Variants in TMEM230 observed in about 807,000 individuals in gnomAD.
The protein encoded by TMEM230 is UPF0414 transmembrane protein C20orf30.
TMEM230 carries 10 observed loss-of-function variants against 15.8 expected under a neutral mutation model. That is an observed-to-expected ratio of 0.63 (90% CI 0.39 to 1.07). The LOEUF (loss-of-function observed/expected upper bound fraction) is 1.07, where lower values mean the gene tolerates loss of function less well. TMEM230 is among the 50% of genes least tolerant of loss of function. TMEM230 has a pLI of 0.01. For synonymous variants in TMEM230, 67 were observed against 76.9 expected, an observed-to-expected ratio of 0.87 and a Z score of 0.68; for missense variants, 165 against 193.3, an observed-to-expected ratio of 0.85 and a Z score of 0.87.
At chr20:5,086,496 G>T (rs1451182527) in intron 3 of TMEM230, among the ~76,000 whole-genome samples, 1 of 133,138 alleles carries the variant, frequency 7.5e-6, no homozygotes, top group East Asian at 2.2e-4. Context: ...ACGAGATCAC[G>T]CCACTGCACT....
At chr20:5,082,689 T>C (rs1445386960) in intron 3 of TMEM230, among the ~76,000 whole-genome samples, 2 of 151,878 alleles carry the variant, frequency 1.3e-5, no homozygotes, top group Admixed American at 6.6e-5. Flanking sequence ...AGTGATCCGC[T>C]CACCTTGGCC....
chr20:5,075,508 T>C (rs2122564312), intron 3 of TMEM230, among the ~76,000 whole-genome samples: 1 of 151,806 alleles, frequency 6.6e-6, no homozygotes, highest in East Asian at 2.0e-4. Flanking sequence ...ATGGATCACC[T>C]GAAGTCAGGA....
chr20:5,086,495 C>T (rs544952425), intron 3 of TMEM230, among the ~76,000 whole-genome samples: 57 of 142,836 alleles, frequency 4.0e-4, no homozygotes, highest in African/African-American at 1.4e-3. Flanking sequence ...GACGAGATCA[C>T]GCCACTGCAC....
chr20:5,065,113 C>T (rs2088639426), downstream of TMEM230, among the ~76,000 whole-genome samples: 1 of 151,626 alleles, frequency 6.6e-6, no homozygotes, highest in South Asian at 2.1e-4. Context: ...CAGGTTTAGT[C>T]TCATTATAAA....
intron 3 of TMEM230, among the ~76,000 whole-genome samples, chr20:5,075,970 G>A (rs6107574): frequency 0.024 from 3,601 of 151,916 alleles, 144 homozygotes; most frequent in African/African-American, 0.082. Context: ...TTAGCTGGGC[G>A]TGGTGGTGCG....
intron 3 of TMEM230, among the ~76,000 whole-genome samples, chr20:5,076,766 C>T (rs1375186843): frequency 2.7e-5 from 4 of 148,352 alleles, no homozygotes; most frequent in Non-Finnish European, 5.9e-5. Flanking sequence ...CAACCTCTGC[C>T]TCCTGGGTTC....
intron 3 of TMEM230, among the ~76,000 whole-genome samples, chr20:5,079,584 C>G (rs1274435506): frequency 6.6e-6 from 1 of 152,154 alleles, no homozygotes; most frequent in Non-Finnish European, 1.5e-5. Flanking sequence ...AACTCCTGAG[C>G]TCAAGTCATC....
chr20:5,100,724 G>A lies in TMEM230; in HGVS notation c.*67C>T. 1 of 1,586,678 alleles carries A rather than the reference G, an allele frequency of 6.3e-7. No homozygotes were observed. Among genetic ancestry groups the A allele is most frequent in the Non-Finnish European group, 8.6e-7 (1 of 1,165,094 alleles). Reference sequence around the variant, plus strand: ...CAGAATTCCTTAGTCCTCAGCTATAGTTTCTGCTAGATATCTTAAAGCTGG... The same window carrying A: ...CAGAATTCCTTAGTCCTCAGCTATAATTTCTGCTAGATATCTTAAAGCTGG... On this transcript the variant is annotated 3_prime_UTR_variant, in exon 5 of 5. Transcript: ENST00000342308.
At chr20:5,103,083 A>G (rs192119585) in intron 4 of TMEM230, among the ~76,000 whole-genome samples, 1 of 152,238 alleles carries the variant, frequency 6.6e-6, no homozygotes, top group Non-Finnish European at 1.5e-5. Context: ...TTCTACATCC[A>G]CCGGGTGTGG....
At chr20:5,093,081 C>T (rs1222434058) in intron 3 of TMEM230, among the ~76,000 whole-genome samples, 1 of 151,644 alleles carries the variant, frequency 6.6e-6, no homozygotes. Flanking sequence ...GATGGCTGAT[C>T]TTATATATAG....
At chr20:5,066,953 TG>T (rs1746451920), downstream of TMEM230, among the ~76,000 whole-genome samples, 1 of 152,112 alleles carries the variant, frequency 6.6e-6, no homozygotes, top group African/African-American at 2.4e-5. Flanking sequence ...GACTTCAAAA[TG>T]AAGCAATATT....
chr20:5,071,623 C>CAA (rs1420855948), intron 3 of TMEM230, among the ~76,000 whole-genome samples: 35 of 26,482 alleles, frequency 1.3e-3, no homozygotes, highest in Non-Finnish European at 1.7e-3. Flanking sequence ...AACTCCGTCT[C>CAA]AAAAAAAAAA....
chr20:5,085,503 G>T (rs2089308986), intron 3 of TMEM230, among the ~76,000 whole-genome samples: 1 of 152,002 alleles, frequency 6.6e-6, no homozygotes, highest in Admixed American at 6.6e-5. Context: ...TGGCCAGGCT[G>T]GTCTCAAACT....
intron 3 of TMEM230, among the ~76,000 whole-genome samples, chr20:5,093,539 T>TTTATTTTTTTTTTTTATTATTTTTTA (rs1469909980): frequency 2.7e-5 from 4 of 147,130 alleles, no homozygotes; most frequent in Non-Finnish European, 4.5e-5. Flanking sequence ...CTGCGCCTGA[T>TTTATTTTTTTTTTTTATTATTTTTTA]TTATTTATTT....
At chr20:5,091,510 T>C (rs2122658158) in intron 3 of TMEM230, among the ~76,000 whole-genome samples, 1 of 152,160 alleles carries the variant, frequency 6.6e-6, no homozygotes, top group South Asian at 2.1e-4. Flanking sequence ...CGCACCCAGC[T>C]GGTATTGCTA....
rs374390830 is a variant in TMEM230 at position 5,100,946 on chromosome 20, A to C, written c.412-15T>G. The C allele has an allele frequency of 3.6e-5, 58 of 1,613,846 alleles. No homozygotes were observed. Among genetic ancestry groups the C allele is most frequent in the Non-Finnish European group, 4.7e-5 (56 of 1,179,918 alleles). On this transcript the variant is annotated splice_polypyrimidine_tract_variant and intron_variant, in intron 4 of 4. Transcript: ENST00000342308. Reference sequence around the variant, plus strand: ...CGGTCTGCCCCCTGGTGGCAGAAGGAGGCAAACACATTAGTACCGTAAGAG... The same window carrying C: ...CGGTCTGCCCCCTGGTGGCAGAAGGCGGCAAACACATTAGTACCGTAAGAG...
chr20:5,092,788 A>C (rs1384960270), intron 3 of TMEM230, among the ~76,000 whole-genome samples: 1 of 152,200 alleles, frequency 6.6e-6, no homozygotes, highest in Non-Finnish European at 1.5e-5. Flanking sequence ...TAGATGCAGA[A>C]AAGCATTTGA....
intron 3 of TMEM230, among the ~76,000 whole-genome samples, chr20:5,087,409 T>G (rs2089373372): frequency 6.6e-6 from 1 of 151,966 alleles, no homozygotes. Context: ...TCCAGGTGCT[T>G]TCCAGATTTA....
chr20:5,112,841 G>A (rs932766004), intron 1 of TMEM230, 120 bp downstream of exon 1: 8 of 1,541,074 alleles, frequency 5.2e-6, no homozygotes, highest in South Asian at 2.4e-5. Context: ...ACTGTGCCAG[G>A]GGGGACGAAT....
Sources: allele counts gnomAD v4.1 joint callset (sites outside exome capture counted in the v4.1 genomes callset), GRCh38; gene constraint gnomAD v4.1.1; transcripts MANE v1.5; gene names NCBI Gene and HGNC (gene_info 2026-07-23, HGNC 2026-07-21).